MERTK: variants seen among roughly 807,000 people sequenced by gnomAD.
The protein encoded by MERTK is MER proto-oncogene, tyrosine kinase.
MERTK carries 69 observed loss-of-function variants against 99.3 expected under a neutral mutation model. The observed-to-expected ratio is 0.70, with a 90% confidence interval of 0.57 to 0.85. The LOEUF (loss-of-function observed/expected upper bound fraction) is 0.85. Among genes scored for constraint, MERTK ranks in the 40% least tolerant of loss-of-function variants. The pLI, the probability that MERTK is intolerant of heterozygous loss-of-function variation, is 0.00. For synonymous variants in MERTK, 426 were observed against 467.6 expected (o/e 0.91, Z 1.15); for missense variants, 1,125 against 1,249.4 (o/e 0.90, Z 1.50).
chr2:111,959,002 A>G (rs2104715701), intron 4 of MERTK, among the ~76,000 whole-genome samples: 1 of 139,878 alleles, frequency 7.1e-6, no homozygotes, highest in Admixed American at 7.0e-5. Context: ...TGTCTCCTCC[A>G]ATATATAAAA....
At chr2:112,007,985 C>T (rs10195619) in intron 13 of MERTK, among the ~76,000 whole-genome samples, 49,582 of 151,674 alleles carry the variant, frequency 0.33, 8,371 homozygotes, top group Middle Eastern at 0.5. Flanking sequence ...ATAATTTCTC[C>T]TATTATTAAT....
intron 18 of MERTK, chr2:112,026,274 G>A (rs947191802): frequency 2.6e-5 from 4 of 152,022 alleles, no homozygotes; most frequent in Non-Finnish European, 4.4e-5. Context: ...GAATATTAAA[G>A]GAAAAGAAGT....
intron 1 of MERTK, among the ~76,000 whole-genome samples, chr2:111,925,879 C>CTA (rs1684558014): frequency 6.6e-6 from 1 of 150,428 alleles, no homozygotes; most frequent in Non-Finnish European, 1.5e-5. Context: ...GTCCCCCAGG[C>CTA]TAGAGTACAG....
intron 12 of MERTK, 89 bp from the exon 13 acceptor site, chr2:112,003,815 C>A: frequency 8.2e-7 from 1 of 1,226,820 alleles, no homozygotes; most frequent in Non-Finnish European, 1.2e-6. Flanking sequence ...TCTCATACCA[C>A]ATGAAACCAG....
intron 7 of MERTK, among the ~76,000 whole-genome samples, chr2:111,982,242 G>T (rs1179456258): frequency 6.6e-6 from 1 of 151,856 alleles, no homozygotes; most frequent in Non-Finnish European, 1.5e-5. Context: ...TTTTAGTGGT[G>T]ATTGGAGTCT....
intron 2 of MERTK, among the ~76,000 whole-genome samples, chr2:111,942,063 G>C (rs891353059): frequency 6.6e-6 from 1 of 152,152 alleles, no homozygotes; most frequent in Non-Finnish European, 1.5e-5. Context: ...TGCCTTCCTG[G>C]GGCTGTGCCC....
chr2:111,996,373 G>A (rs13003919), intron 9 of MERTK: 32,293 of 153,438 alleles, frequency 0.21, 4,083 homozygotes, highest in Middle Eastern at 0.32. Context: ...TCTTTCAAAG[G>A]CTGTTGTGAT....
chr2:111,952,961 G>A (rs1045749370), intron 4 of MERTK, among the ~76,000 whole-genome samples: 2 of 152,046 alleles, frequency 1.3e-5, no homozygotes, highest in East Asian at 1.9e-4. Context: ...TCTGATTTAC[G>A]CCTCTGCCTG....
chr2:112,028,169 C>T, intron 18 of MERTK, 182 bp from the exon 19 acceptor site: 1 of 676,622 alleles, frequency 1.5e-6, no homozygotes, highest in South Asian at 1.9e-5. Flanking sequence ...TTGTCAAATA[C>T]CATGGAACAT....
Position 111,997,289 on chromosome 2 carries a change from C to A in MERTK, c.1451-34C>A. ...ACAAGCCAGTGTTTCTCATATATTT[C>A]AAACCCATGACTGGTCTATTGGTAT... On this transcript the variant is annotated intron_variant, in intron 9 of 18. Transcript: ENST00000295408. The A allele has an allele frequency of 2.5e-6, 4 of 1,610,422 alleles. No homozygotes were observed. In the South Asian group the frequency reaches 3.3e-5, roughly 13 times the overall value.
chr2:111,925,275 G>GAGATATATATAT (rs1553446636), intron 1 of MERTK, among the ~76,000 whole-genome samples: 3 of 52,172 alleles, frequency 5.8e-5, no homozygotes, highest in African/African-American at 2.9e-4. Context: ...GTACAGATCA[G>GAGATATATATAT]ATATATATAT....
chr2:112,020,555 G>A (rs188245127), intron 16 of MERTK: 7 of 469,840 alleles, frequency 1.5e-5, no homozygotes, highest in Admixed American at 1.4e-4. Flanking sequence ...TAGTAGCTTG[G>A]GCTACAAATG....
chr2:111,925,414 G>T (rs1480750910), intron 1 of MERTK, among the ~76,000 whole-genome samples: 1 of 142,254 alleles, frequency 7.0e-6, no homozygotes, highest in Non-Finnish European at 1.5e-5. Flanking sequence ...CGATTCTCCT[G>T]TCTCAGCCTC....
chr2:111,977,171 ACTT>A (rs1250751258), intron 7 of MERTK, among the ~76,000 whole-genome samples: 2 of 152,160 alleles, frequency 1.3e-5, no homozygotes, highest in African/African-American at 4.8e-5. Flanking sequence ...TTCCTGAAGA[ACTT>A]TTTTAAAAAT....
intron 10 of MERTK, among the ~76,000 whole-genome samples, chr2:111,998,175 C>T: frequency 6.6e-6 from 1 of 152,214 alleles, no homozygotes; most frequent in East Asian, 1.9e-4. Context: ...GTGTTCATCC[C>T]AGTCTTAGGG....
At chr2:111,957,500 C>T (rs1192572615) in intron 4 of MERTK, among the ~76,000 whole-genome samples, 1 of 152,034 alleles carries the variant, frequency 6.6e-6, no homozygotes, top group Non-Finnish European at 1.5e-5. Flanking sequence ...CAGCTTGCTT[C>T]CCCACCCATC....
intron 18 of MERTK, among the ~76,000 whole-genome samples, chr2:112,026,382 C>T (rs1274441922): frequency 6.6e-6 from 1 of 151,984 alleles, no homozygotes; most frequent in East Asian, 1.9e-4. Context: ...AGTTAAATAC[C>T]ACAGCCTCTT....
rs190763251 is a variant in MERTK, at chr2:111,996,839, A to G, written c.1451-484A>G. The G allele has an allele frequency of 1.2e-3, 218 of 188,432 alleles. 2 individuals are homozygous for G. Among genetic ancestry groups the G allele is most frequent in the African/African-American group, 4.6e-3 (194 of 41,900 alleles). The allele number at this position is 188,432 out of a possible 1,614,324, so 11.7% of individuals were successfully genotyped here. ...CAATTCTTCAAAACAGAGAAACTAT[A>G]TTTTCTCTGTATCATAAGTTACATG... On this transcript the variant is annotated intron_variant, in intron 9 of 18. Transcript: ENST00000295408.
Position 111,975,312 on chromosome 2 carries a change from T to TAATG in MERTK, c.985_988dup (p.Gly330GlufsTer8), listed in dbSNP as rs777350533. 3.1e-6 allele frequency: 5 copies of TAATG among 1,614,190 alleles called. No individual in the cohort carries two copies. The highest frequency in any genetic ancestry group is 4.2e-6 in the Non-Finnish European group (5 of 1,180,030). ...AGGTCAAGGAAGCTGATCCGCTGAG[T>TAATG]AATGGCTCAGTCATGATTTTTAACA... On this transcript the variant is annotated frameshift_variant, in exon 7 of 19. Transcript: ENST00000295408. LOFTEE classifies it high-confidence loss of function.
Sources: gnomAD v4.1 joint callset for allele counts (sites outside exome capture counted in the v4.1 genomes callset) on GRCh38, gnomAD v4.1.1 for gene constraint, MANE v1.5 for transcripts, NCBI Gene and HGNC (gene_info 2026-07-23, HGNC 2026-07-21) for gene names.